Variants in PSD3 observed in about 807,000 individuals in gnomAD.
PSD3 encodes pleckstrin and Sec7 domain containing 3.
A neutral mutation model predicts 105.5 loss-of-function variants in PSD3; 49 were observed. The observed-to-expected ratio is 0.46, with a 90% confidence interval of 0.37 to 0.59. The LOEUF (loss-of-function observed/expected upper bound fraction) is 0.59, where lower values mean the gene tolerates loss of function less well. PSD3 is among the 20% of genes least tolerant of loss of function. The pLI is 0.00. For missense variants in PSD3, 1,561 were observed against 1,263.8 expected, an observed-to-expected ratio of 1.24 and a Z score of -3.57; for synonymous variants, 557 against 457.8, an observed-to-expected ratio of 1.22 and a Z score of -2.77.
chr8:18,802,369 A>T, intron 6 of PSD3: 2 of 389,300 alleles, frequency 5.1e-6, no homozygotes, highest in South Asian at 1.7e-5. Context: ...ATGAGATGGG[A>T]AGGAAAAAAA....
chr8:18,930,996 A>G (rs1225613815), intron 2 of PSD3, among the ~76,000 whole-genome samples: 1 of 152,174 alleles, frequency 6.6e-6, no homozygotes, highest in Admixed American at 6.6e-5. Flanking sequence ...AGTAGATTTT[A>G]TTAGTATCTC....
chr8:18,651,266 T>C (rs778206975), intron 10 of PSD3, among the ~76,000 whole-genome samples: 3 of 152,138 alleles, frequency 2.0e-5, no homozygotes, highest in Non-Finnish European at 4.4e-5. Context: ...AGAAAACCAA[T>C]GATATAAAAA....
At chr8:18,545,760 T>C (rs1387060188) in intron 15 of PSD3, among the ~76,000 whole-genome samples, 2 of 152,226 alleles carry the variant, frequency 1.3e-5, no homozygotes, top group East Asian at 1.9e-4. Context: ...CCCGAAGTCA[T>C]ACCGGGTATC....
chr8:18,672,142 A>C (rs1488839158), intron 9 of PSD3, among the ~76,000 whole-genome samples: 1 of 152,238 alleles, frequency 6.6e-6, no homozygotes, highest in South Asian at 2.1e-4. Context: ...GCAAGCATGT[A>C]CCATAATAAA....
At chr8:19,076,083 T>C (rs1829455548) in intron 1 of PSD3, among the ~76,000 whole-genome samples, 1 of 137,350 alleles carries the variant, frequency 7.3e-6, no homozygotes, top group Non-Finnish European at 1.6e-5. Flanking sequence ...AAAAGATAGG[T>C]TGTTATGGAG....
chr8:18,665,767 T>C (rs1277464631), intron 9 of PSD3, among the ~76,000 whole-genome samples: 1 of 152,162 alleles, frequency 6.6e-6, no homozygotes, highest in East Asian at 1.9e-4. Flanking sequence ...GAGAAGACTG[T>C]TTGAGCCTGG....
chr8:18,913,286 T>C (rs1820368497), intron 2 of PSD3, among the ~76,000 whole-genome samples: 1 of 152,176 alleles, frequency 6.6e-6, no homozygotes, highest in Non-Finnish European at 1.5e-5. Flanking sequence ...GTTTCCCTTC[T>C]CTATCTCGGG....
intron 10 of PSD3, among the ~76,000 whole-genome samples, chr8:18,641,487 C>T (rs1031306876): frequency 6.6e-6 from 1 of 152,066 alleles, no homozygotes; most frequent in Non-Finnish European, 1.5e-5. Context: ...GAGCTGTGTA[C>T]AAAGCAGTAC....
intron 9 of PSD3, among the ~76,000 whole-genome samples, chr8:18,744,225 A>G (rs1324872573): frequency 6.6e-6 from 1 of 152,194 alleles, no homozygotes; most frequent in Admixed American, 6.5e-5. Context: ...GGATTTTCAC[A>G]TTTAAACCTC....
chr8:18,563,413 C>T (rs1355699268), intron 14 of PSD3, among the ~76,000 whole-genome samples: 2 of 152,138 alleles, frequency 1.3e-5, no homozygotes, highest in South Asian at 4.2e-4. Flanking sequence ...TTAAAGGAGA[C>T]AGATGATTTT....
At position 18,531,970 on chromosome 8, in the gene PSD3, T is replaced by C. The variant is rs1050156312; in HGVS notation, c.*3773A>G. 4 of 152,240 alleles carry C rather than the reference T, an allele frequency of 2.6e-5. No homozygotes were observed. The highest frequency in any genetic ancestry group is 5.9e-5 in the Non-Finnish European group (4 of 68,048). The allele number at this position is 152,240 out of a possible 1,614,324, so 9.4% of individuals were successfully genotyped here. A position where few individuals can be genotyped will look rare whatever the true frequency, so the allele number is the denominator to read the frequency against. On this transcript the variant is annotated 3_prime_UTR_variant, in exon 16 of 16. Coordinates refer to ENST00000327040, the MANE Select transcript of PSD3 (RefSeq NM_015310.4). ...AAGCTAAACTTCTGTGAATTCAGGA[T>C]GCAACATGCTTAACTGATGACTGCA... is the stretch of plus-strand genomic sequence containing the variant.
intron 1 of PSD3, among the ~76,000 whole-genome samples, chr8:18,984,813 T>C (rs1292784212): frequency 6.6e-6 from 1 of 152,202 alleles, no homozygotes; most frequent in Non-Finnish European, 1.5e-5. Context: ...CAAGCTGCAG[T>C]GCACAAGGCA....
intron 9 of PSD3, among the ~76,000 whole-genome samples, chr8:18,757,224 G>A (rs1806123930): frequency 2.6e-5 from 4 of 151,116 alleles, no homozygotes; most frequent in African/African-American, 7.3e-5. Context: ...AGGCCGAGGT[G>A]GGTGGATCAT....
chr8:18,750,991 C>T (rs1487260798), intron 9 of PSD3, among the ~76,000 whole-genome samples: 1 of 152,184 alleles, frequency 6.6e-6, no homozygotes, highest in Admixed American at 6.5e-5. Context: ...CCAGTGGATC[C>T]CGCACCGGGG....
At chr8:19,037,543 T>C (rs1563523241) in intron 1 of PSD3, among the ~76,000 whole-genome samples, 2 of 152,200 alleles carry the variant, frequency 1.3e-5, no homozygotes. Context: ...CCAGAAGAGA[T>C]TCATATTCAA....
At chr8:18,996,918 A>C (rs1220306069) in intron 1 of PSD3, among the ~76,000 whole-genome samples, 1 of 151,774 alleles carries the variant, frequency 6.6e-6, no homozygotes, top group Non-Finnish European at 1.5e-5. Context: ...CCCTCATTTT[A>C]CTTTACTTCC....
chr8:18,977,137 G>A (rs572783813), intron 1 of PSD3, among the ~76,000 whole-genome samples: 66 of 151,852 alleles, frequency 4.3e-4, no homozygotes, highest in Middle Eastern at 3.4e-3. Context: ...GTACATGCCT[G>A]TAATCCCAGC....
intron 10 of PSD3, among the ~76,000 whole-genome samples, chr8:18,651,837 C>T (rs181257959): frequency 7.3e-4 from 111 of 152,176 alleles, no homozygotes; most frequent in African/African-American, 2.5e-3. Flanking sequence ...GGTGACTTCA[C>T]GAACACTGAA....
chr8:18,998,955 C>T (rs1826227952), intron 1 of PSD3, among the ~76,000 whole-genome samples: 1 of 151,784 alleles, frequency 6.6e-6, no homozygotes, highest in South Asian at 2.1e-4. Flanking sequence ...ATGGTGGGTC[C>T]CATTTTTATA....
Sources: allele counts gnomAD v4.1 joint callset (sites outside exome capture counted in the v4.1 genomes callset), GRCh38; gene constraint gnomAD v4.1.1; transcripts MANE v1.5; gene names NCBI Gene and HGNC (gene_info 2026-07-23, HGNC 2026-07-21).